The following RP1 variants were observed in gnomAD, a reference collection of about 807,000 sequenced individuals.
RP1 encodes RP1 axonemal microtubule associated, also known as oxygen-regulated protein 1.
RP1 carries 16 observed loss-of-function variants against 14.8 expected under a neutral mutation model. The observed-to-expected ratio is 1.08, with a 90% CI of 0.73 to 1.65. The LOEUF (loss-of-function observed/expected upper bound fraction) is 1.65, where lower values mean the gene tolerates loss of function less well. Ranked by LOEUF, RP1 falls within the 40% of genes most tolerant of loss-of-function variation. The pLI, the probability that RP1 is intolerant of heterozygous loss-of-function variation, is 0.00. For missense variants in RP1, 2,631 were observed against 2,535.0 expected (o/e 1.04, Z -0.81); for synonymous variants, 876 against 883.6 (o/e 0.99, Z 0.15).
chr8:54,744,056 A>G (rs1809163203), intron 19 of RP1, among the ~76,000 whole-genome samples: 1 of 152,208 alleles, frequency 6.6e-6, no homozygotes, highest in South Asian at 2.1e-4. Context: ...AATCTGTTTA[A>G]CAGCATTTCC....
intron 1 of RP1, among the ~76,000 whole-genome samples, chr8:54,588,200 A>T (rs957963865): frequency 6.6e-6 from 1 of 152,240 alleles, no homozygotes; most frequent in Non-Finnish European, 1.5e-5. Context: ...ACTTTGTGTT[A>T]TAAAGACTGA....
chr8:54,712,312 C>T (rs1808309582), intron 15 of RP1, among the ~76,000 whole-genome samples: 1 of 152,152 alleles, frequency 6.6e-6, no homozygotes, highest in African/African-American at 2.4e-5. Flanking sequence ...TTTCTCATTT[C>T]CTTCAGCTTA....
intron 27 of RP1, among the ~76,000 whole-genome samples, chr8:54,861,696 G>T (rs1812347090): frequency 6.6e-6 from 1 of 151,998 alleles, no homozygotes; most frequent in African/African-American, 2.4e-5. Flanking sequence ...TCCATCTCCT[G>T]GGTTCAAGCA....
At chr8:54,793,117 C>T (rs980125493) in intron 24 of RP1, among the ~76,000 whole-genome samples, 1 of 151,630 alleles carries the variant, frequency 6.6e-6, no homozygotes, top group Non-Finnish European at 1.5e-5. Flanking sequence ...AAACATACAA[C>T]CTAAAAAGAT....
intron 19 of RP1, chr8:54,739,092 A>G (rs937580565): frequency 3.4e-5 from 42 of 1,217,694 alleles, no homozygotes; most frequent in Non-Finnish European, 4.3e-5. Flanking sequence ...CAAGCTGGCT[A>G]TGTAAAGCAG....
chr8:54,613,851 A>C (rs939223903), upstream of RP1, among the ~76,000 whole-genome samples: 1 of 152,244 alleles, frequency 6.6e-6, no homozygotes, highest in Non-Finnish European at 1.5e-5. Flanking sequence ...ATATGGATCG[A>C]AATGAAATTG....
At chr8:54,747,782 T>C (rs532250134) in intron 19 of RP1, among the ~76,000 whole-genome samples, 1 of 152,238 alleles carries the variant, frequency 6.6e-6, no homozygotes, top group South Asian at 2.1e-4. Flanking sequence ...GAGCTGAGAT[T>C]GTACCACTGC....
Position 54,630,809 on chromosome 8 carries a change from TA to T in RP1, c.*457del. 1.0e-6 allele frequency: 1 copy of T among 999,926 alleles called. No homozygotes were observed. The highest frequency in any genetic ancestry group is 1.2e-6 in the Non-Finnish European group (1 of 839,050). The allele number at this position is 999,926 out of a possible 1,614,324, so 61.9% of individuals were successfully genotyped here. A position where few individuals can be genotyped will look rare whatever the true frequency, so the allele number is the denominator to read the frequency against. On this transcript the variant is annotated 3_prime_UTR_variant, in exon 4 of 4. Coordinates refer to ENST00000220676, the MANE Select transcript of RP1 (RefSeq NM_006269.2). ...TTTGATAAAAAGTATGATTATAAGA[TA>T]TCCACGACAATCTCATAGTTTCTTG...
At chr8:54,727,436 T>G (rs1808683226) in intron 17 of RP1, among the ~76,000 whole-genome samples, 1 of 152,086 alleles carries the variant, frequency 6.6e-6, no homozygotes, top group Non-Finnish European at 1.5e-5. Flanking sequence ...TTTGAATTGG[T>G]TGAAAATAGC....
chr8:54,831,217 A>G (rs1811515787), intron 24 of RP1, among the ~76,000 whole-genome samples: 1 of 151,974 alleles, frequency 6.6e-6, no homozygotes, highest in South Asian at 2.1e-4. Context: ...TTGGGTATAT[A>G]CCCAGCAGTG....
intron 24 of RP1, among the ~76,000 whole-genome samples, chr8:54,789,396 C>A (rs1810407467): frequency 6.6e-6 from 1 of 152,010 alleles, no homozygotes; most frequent in Admixed American, 6.6e-5. Context: ...CTGCCTGACT[C>A]TGGAGCATAT....
At chr8:54,784,487 C>G (rs1217314206) in intron 24 of RP1, among the ~76,000 whole-genome samples, 1 of 151,602 alleles carries the variant, frequency 6.6e-6, no homozygotes, top group East Asian at 1.9e-4. Context: ...AAATGGCTTT[C>G]AAGTTTTTAC....
intron 24 of RP1, among the ~76,000 whole-genome samples, chr8:54,803,036 C>G (rs1810751938): frequency 6.6e-6 from 1 of 152,034 alleles, no homozygotes; most frequent in Non-Finnish European, 1.5e-5. Context: ...TTTGTGCTTC[C>G]CATGTAAAAT....
intron 19 of RP1, among the ~76,000 whole-genome samples, chr8:54,739,869 T>C (rs894663833): frequency 6.6e-6 from 1 of 152,158 alleles, no homozygotes; most frequent in Non-Finnish European, 1.5e-5. Context: ...TGCCTAGTGA[T>C]GTCACAGCTG....
intron 4 of RP1, among the ~76,000 whole-genome samples, chr8:54,650,539 C>T (rs2129325607): frequency 6.6e-6 from 1 of 152,218 alleles, no homozygotes; most frequent in South Asian, 2.1e-4. Context: ...ACTTTCATAA[C>T]ATTTTATTCA....
chr8:54,652,721 C>G, intron 4 of RP1: 2 of 1,135,634 alleles, frequency 1.8e-6, no homozygotes, highest in Non-Finnish European at 2.6e-6. Context: ...CTAATCTGAG[C>G]TGTTTTTAAG....
Position 54,628,944 on chromosome 8 carries a change from A to G in RP1, c.5062A>G (p.Ser1688Gly), listed in dbSNP as rs764285837. The part of the protein sequence containing the change: ...QSFGSSEQVS[S>G]SSSMLQEFQE... ...ATTTGGCTCTTCTGAACAGGTATCT[A>G]GTAGTTCATCTATGTTGCAGGAATT... is the stretch of plus-strand genomic sequence containing the variant. Residue 1688 changes from serine to glycine, a missense_variant, in exon 4 of 4, where the codon AGT (serine) becomes GGT (glycine). Physicochemically the swap from Ser to Gly is moderately conservative, Grantham distance 56. Coordinates refer to ENST00000220676, the MANE Select transcript of RP1 (RefSeq NM_006269.2). 1 of 1,614,050 alleles carries G rather than the reference A, an allele frequency of 6.2e-7. No homozygotes were observed. The highest frequency in any genetic ancestry group is 8.5e-7 in the Non-Finnish European group (1 of 1,179,964).
chr8:54,750,590 C>A (rs776518724), intron 19 of RP1, among the ~76,000 whole-genome samples: 4 of 106,722 alleles, frequency 3.7e-5, no homozygotes, highest in Admixed American at 9.3e-5. Flanking sequence ...CTAATCAGCA[C>A]TCTGTAGCTA....
chr8:54,627,985 T>C lies in RP1; in HGVS notation c.4103T>C (p.Ile1368Thr). The C allele has an allele frequency of 1.2e-6, 2 of 1,614,058 alleles. No individual in the cohort carries two copies. The highest frequency in any genetic ancestry group is 2.2e-5 in the South Asian group (2 of 91,076). Residue 1368 changes from isoleucine to threonine, a missense_variant, in exon 4 of 4, where the codon ATT (isoleucine) becomes ACT (threonine). Physicochemically the swap from Ile to Thr is moderately conservative, Grantham distance 89. Coordinates refer to ENST00000220676, the MANE Select transcript of RP1 (RefSeq NM_006269.2). ...STEELERGDDIQKDLNILTDP... is the reference protein window; with the variant it reads ...STEELERGDDTQKDLNILTDP... ...GAAGAGTTAGAAAGAGGTGATGACA[T>C]TCAGAAAGATCTAAATATTTTGACA...
Sources: gnomAD v4.1 joint callset for allele counts (sites outside exome capture counted in the v4.1 genomes callset) on GRCh38, gnomAD v4.1.1 for gene constraint, MANE v1.5 for transcripts, NCBI Gene and HGNC (gene_info 2026-07-23, HGNC 2026-07-21) for gene names.